Variants in IFT74 observed in about 807,000 individuals in gnomAD.
The protein encoded by IFT74 is intraflagellar transport protein 74 homolog.
IFT74 carries 92 observed loss-of-function variants against 96.7 expected under a neutral mutation model. The ratio of observed to expected loss-of-function variants is 0.95; its 90% CI spans 0.80 to 1.13. The LOEUF is 1.13. Ranked by LOEUF, IFT74 falls within the 50% of genes most tolerant of loss-of-function variation. The pLI is 0.00. For synonymous variants in IFT74, 223 were observed against 213.2 expected (o/e 1.05, Z -0.40); for missense variants, 811 against 698.2 (o/e 1.16, Z -1.82).
chr9:26,997,429 G>A (rs576298417), intron 8 of IFT74, among the ~76,000 whole-genome samples: 29 of 150,614 alleles, frequency 1.9e-4, no homozygotes, highest in African/African-American at 6.6e-4. Context: ...TGCCTCCCAG[G>A]TTCAAGCAAT....
At chr9:27,060,570 A>AT in intron 18 of IFT74, 21 bp from the exon 19 acceptor site, 1 of 1,550,020 alleles carries the variant, frequency 6.5e-7, no homozygotes, top group Non-Finnish European at 8.8e-7. Flanking sequence ...CCTAATTAAT[A>AT]TTTTTCTTTT....
intron 13 of IFT74, among the ~76,000 whole-genome samples, chr9:27,044,289 C>T (rs1819599101): frequency 6.6e-6 from 1 of 152,074 alleles, no homozygotes; most frequent in Non-Finnish European, 1.5e-5. Flanking sequence ...GATTAGTTGC[C>T]CTTGCTGTGT....
At chr9:26,995,644 T>C in intron 8 of IFT74, 4 of 1,613,860 alleles carry the variant, frequency 2.5e-6, no homozygotes, top group Non-Finnish European at 3.4e-6. Context: ...TTGTTTCTGG[T>C]ATCTGTGAAA....
chr9:27,044,023 C>T (rs1169044297), intron 13 of IFT74, among the ~76,000 whole-genome samples: 1 of 152,224 alleles, frequency 6.6e-6, no homozygotes, highest in Non-Finnish European at 1.5e-5. Flanking sequence ...AAAGTCCAAA[C>T]TCTTTAACAT....
intron 3 of IFT74, among the ~76,000 whole-genome samples, chr9:26,980,312 T>C (rs1249868704): frequency 6.6e-6 from 1 of 152,352 alleles, no homozygotes; most frequent in South Asian, 2.1e-4. Context: ...TTTCATTCCA[T>C]CGTCCTGTTC....
At chr9:27,030,289 C>G (rs1043087761) in intron 13 of IFT74, among the ~76,000 whole-genome samples, 4 of 152,078 alleles carry the variant, frequency 2.6e-5, no homozygotes, top group African/African-American at 9.7e-5. Context: ...TGCAGTGGCT[C>G]AATCACAGCT....
chr9:27,046,946 G>C (rs985149127), intron 14 of IFT74, among the ~76,000 whole-genome samples: 3 of 152,096 alleles, frequency 2.0e-5, no homozygotes, highest in African/African-American at 4.8e-5. Flanking sequence ...AGGCCGAGGC[G>C]GGTGGATCAC....
intron 12 of IFT74, among the ~76,000 whole-genome samples, chr9:27,019,457 A>C (rs749427358): frequency 1.3e-5 from 2 of 151,932 alleles, no homozygotes; most frequent in African/African-American, 2.4e-5. Flanking sequence ...TCAGCTGACT[A>C]TTGGTATTTG....
Position 27,029,111 on chromosome 9 carries a change from T to A in IFT74, c.1054+7T>A. 1 of 1,586,284 alleles carries A rather than the reference T, an allele frequency of 6.3e-7. No homozygotes were observed. Among genetic ancestry groups the A allele is most frequent in the South Asian group, 1.1e-5 (1 of 86,988 alleles). On this transcript the variant is annotated splice_region_variant and intron_variant, in intron 13 of 19. Transcript: ENST00000380062. ...GATTTAGAGGAACACCAAGGTATGC[T>A]TCTGGTATTTTTATAATGTAGATTA...
intron 5 of IFT74, 54 bp from the exon 6 acceptor site, chr9:26,984,445 C>G: frequency 6.3e-7 from 1 of 1,581,702 alleles, no homozygotes; most frequent in Middle Eastern, 1.7e-4. Context: ...TGTTCATTTT[C>G]TTATGTATAT....
chr9:27,018,433 C>CTTTGATA (rs1829452886), intron 11 of IFT74, among the ~76,000 whole-genome samples: 1 of 152,134 alleles, frequency 6.6e-6, no homozygotes. Context: ...ATATCAGTTA[C>CTTTGATA]TACCCTTACT....
chr9:26,979,703 CTTTTTTTTTTT>C (rs951706952), intron 3 of IFT74, among the ~76,000 whole-genome samples: 5 of 75,454 alleles, frequency 6.6e-5, no homozygotes, highest in African/African-American at 2.6e-4. Flanking sequence ...GGAACACTTT[CTTTTTTTTTTT>C]TTTTTTTTTT....
At chr9:26,958,637 G>C (rs1301321469) in intron 1 of IFT74, among the ~76,000 whole-genome samples, 2 of 152,158 alleles carry the variant, frequency 1.3e-5, no homozygotes, top group African/African-American at 4.8e-5. Context: ...GACACCAAGA[G>C]GAAGGACAAA....
chr9:26,975,098 G>T (rs996545839), intron 2 of IFT74, among the ~76,000 whole-genome samples: 1 of 152,116 alleles, frequency 6.6e-6, no homozygotes, highest in Admixed American at 6.6e-5. Flanking sequence ...GAGGAATAAC[G>T]TGAGCAGGGA....
chr9:26,978,266 A>G lies in IFT74; in HGVS notation c.256+3A>G, dbSNP rs1827214585. Reference sequence around the variant, plus strand: ...TGGAATGAAAACTGGGACGAAAGGTACCTATTTTAAGATAAGTATGACACT... The same window carrying G: ...TGGAATGAAAACTGGGACGAAAGGTGCCTATTTTAAGATAAGTATGACACT... On this transcript the variant is annotated splice_donor_region_variant and intron_variant, in intron 3 of 19. Transcript: ENST00000380062. The G allele has an allele frequency of 6.2e-7, 1 of 1,612,288 alleles. No individual in the cohort carries two copies. The highest frequency in any genetic ancestry group is 1.3e-5 in the African/African-American group (1 of 74,836).
chr9:27,024,997 G>C (rs1415213379), intron 12 of IFT74, among the ~76,000 whole-genome samples: 1 of 150,402 alleles, frequency 6.6e-6, no homozygotes, highest in Non-Finnish European at 1.5e-5. Context: ...AAGCACAAAG[G>C]CTCCAAACAG....
intron 13 of IFT74, among the ~76,000 whole-genome samples, chr9:27,038,624 T>A (rs1819319070): frequency 6.6e-6 from 1 of 152,174 alleles, no homozygotes; most frequent in Admixed American, 6.5e-5. Flanking sequence ...GGAATGCTTC[T>A]CTGACATGAT....
intron 1 of IFT74, among the ~76,000 whole-genome samples, chr9:26,949,600 A>T (rs1346357893): frequency 6.6e-6 from 1 of 152,132 alleles, no homozygotes; most frequent in Non-Finnish European, 1.5e-5. Flanking sequence ...CTTCCAAAAA[A>T]CCAATGCACT....
At chr9:27,040,133 A>T (rs1819397409) in intron 13 of IFT74, among the ~76,000 whole-genome samples, 1 of 152,206 alleles carries the variant, frequency 6.6e-6, no homozygotes, top group African/African-American at 2.4e-5. Flanking sequence ...TAGACTATGG[A>T]GAGTGACATC....
Sources: gnomAD v4.1 joint callset for allele counts (sites outside exome capture counted in the v4.1 genomes callset) on GRCh38, gnomAD v4.1.1 for gene constraint, MANE v1.5 for transcripts, NCBI Gene and HGNC (gene_info 2026-07-23, HGNC 2026-07-21) for gene names.